Variants in UBAP1 observed in about 807,000 individuals in gnomAD.
The protein encoded by UBAP1 is ubiquitin associated protein 1.
UBAP1 carries 5 observed loss-of-function variants against 39.0 expected under a neutral mutation model. That is an observed-to-expected ratio of 0.13 (90% confidence interval 0.07 to 0.27). The LOEUF is 0.27. Ranked by LOEUF, UBAP1 falls within the 10% of genes least tolerant of loss-of-function variation. UBAP1 has a pLI of 1.00. For synonymous variants in UBAP1, 211 were observed against 225.1 expected (o/e 0.94, Z 0.56); for missense variants, 490 against 608.1 (o/e 0.81, Z 2.04).
chr9:34,198,973 A>G (rs1831212674), intron 1 of UBAP1, among the ~76,000 whole-genome samples: 1 of 152,174 alleles, frequency 6.6e-6, no homozygotes, highest in Non-Finnish European at 1.5e-5. Context: ...AATTTTCACA[A>G]AGGTGTTCTT....
At chr9:34,222,497 A>G (rs1464765497) in intron 2 of UBAP1, among the ~76,000 whole-genome samples, 1 of 152,150 alleles carries the variant, frequency 6.6e-6, no homozygotes, top group Non-Finnish European at 1.5e-5. Flanking sequence ...ATGATAGTAG[A>G]AAGGCAGATC....
At chr9:34,217,740 C>T (rs1042376962) in intron 1 of UBAP1, among the ~76,000 whole-genome samples, 1 of 143,270 alleles carries the variant, frequency 7.0e-6, no homozygotes, top group Non-Finnish European at 1.5e-5. Flanking sequence ...AACACAAAGT[C>T]CTGCAGATTC....
At position 34,241,165 on chromosome 9, in the gene UBAP1, C is replaced by T. The variant is rs776146046; in HGVS notation, c.160-20C>T. The T allele has an allele frequency of 7.1e-7, 1 of 1,417,684 alleles. No individual in the cohort carries two copies. The highest frequency in any genetic ancestry group is 2.1e-5 in the South Asian group (1 of 48,570). 87.8% of individuals were successfully genotyped at this position (1,417,684 alleles called of 1,614,324 possible). A position where few individuals can be genotyped will look rare whatever the true frequency, so the allele number is the denominator to read the frequency against. ...TGGCCACCTGGGTTCACACCCCCTT[C>T]CTCTGCTATATCTTTGCAGTATGAC... On this transcript the variant is annotated intron_variant, in intron 3 of 6. Transcript: ENST00000297661.
chr9:34,226,155 G>GTT (rs1833088878), intron 2 of UBAP1, among the ~76,000 whole-genome samples: 1 of 143,432 alleles, frequency 7.0e-6, no homozygotes, highest in South Asian at 2.2e-4. Flanking sequence ...GTGTGTGTGT[G>GTT]TGGTGGGCTG....
At chr9:34,195,679 C>A (rs559711567) in intron 1 of UBAP1, among the ~76,000 whole-genome samples, 1 of 151,716 alleles carries the variant, frequency 6.6e-6, no homozygotes, top group African/African-American at 2.4e-5. Context: ...CTCACCGCAA[C>A]CTCCGCCTCC....
At chr9:34,194,400 C>T (rs974206618) in intron 1 of UBAP1, among the ~76,000 whole-genome samples, 9 of 151,872 alleles carry the variant, frequency 5.9e-5, no homozygotes, top group East Asian at 3.9e-4. Context: ...CTGTAAACTC[C>T]GCCTCCCAGG....
intron 3 of UBAP1, among the ~76,000 whole-genome samples, chr9:34,237,046 C>G (rs10972013): frequency 6.6e-6 from 1 of 151,874 alleles, no homozygotes; most frequent in Non-Finnish European, 1.5e-5. Flanking sequence ...CCGTTCAAAT[C>G]TATTCTAGAT....
intron 1 of UBAP1, among the ~76,000 whole-genome samples, chr9:34,181,111 G>GTTTTGTT: frequency 2.8e-5 from 1 of 35,304 alleles, no homozygotes; most frequent in East Asian, 1.1e-3. Context: ...CACCCGGCCT[G>GTTTTGTT]TTTTCTTTTT....
intron 1 of UBAP1, chr9:34,211,888 C>T (rs1400995420): frequency 1.7e-5 from 4 of 228,932 alleles, no homozygotes; most frequent in East Asian, 1.3e-4. Flanking sequence ...TTTAAGTTAC[C>T]GGGTTTTCTT....
At chr9:34,194,370 A>G (rs908545985) in intron 1 of UBAP1, among the ~76,000 whole-genome samples, 5 of 150,498 alleles carry the variant, frequency 3.3e-5, no homozygotes, top group African/African-American at 9.8e-5. Context: ...GCTGGAGTGC[A>G]GTGGCACAAT....
intron 1 of UBAP1, among the ~76,000 whole-genome samples, chr9:34,199,303 G>A (rs539930962): frequency 1.1e-4 from 16 of 152,294 alleles, no homozygotes; most frequent in Non-Finnish European, 1.3e-4. Context: ...TCGAACCCCT[G>A]ACCTTGTGAT....
intron 1 of UBAP1, among the ~76,000 whole-genome samples, chr9:34,215,610 G>T (rs113482935): frequency 0.12 from 18,731 of 151,364 alleles, 1,523 homozygotes; most frequent in Non-Finnish European, 0.18. Flanking sequence ...TGGGTGCACC[G>T]AAATCTCACA....
intron 1 of UBAP1, among the ~76,000 whole-genome samples, chr9:34,185,096 G>A (rs1830325431): frequency 1.3e-5 from 2 of 151,836 alleles, no homozygotes; most frequent in Admixed American, 6.6e-5. Context: ...CACCACGCCT[G>A]CTAATTTTTG....
intron 1 of UBAP1, among the ~76,000 whole-genome samples, chr9:34,186,352 G>A (rs79151410): frequency 0.027 from 4,106 of 152,222 alleles, 188 homozygotes; most frequent in African/African-American, 0.094. Flanking sequence ...GTATTTGGCA[G>A]TAATCCTCAT....
chr9:34,251,464 T>C lies in UBAP1; in HGVS notation c.1441T>C (p.Leu481=), dbSNP rs1299954845. 6.2e-7 allele frequency: 1 copy of C among 1,614,062 alleles called. No individual in the cohort carries two copies. Among genetic ancestry groups the C allele is most frequent in the Non-Finnish European group, 8.5e-7 (1 of 1,180,040 alleles). The stretch of plus-strand genomic sequence containing the variant: ...TGAGCTGAAAGACATTAAGGAAGTT[T>C]TGCTATTACACAACAATGACCAGGA... ...GFELKDIKEV[L]LLHNNDQDNA... The change falls in exon 7 of 7, where the codon TTG becomes CTG. Residue 481 remains leucine, a synonymous_variant. Transcript: ENST00000297661.
At chr9:34,246,915 G>C (rs1563923099) in intron 4 of UBAP1, among the ~76,000 whole-genome samples, 1 of 152,152 alleles carries the variant, frequency 6.6e-6, no homozygotes, top group Non-Finnish European at 1.5e-5. Context: ...GTTTCTACTT[G>C]GTTACAAATA....
intron 4 of UBAP1, among the ~76,000 whole-genome samples, chr9:34,248,752 T>G (rs1052969254): frequency 6.6e-6 from 1 of 152,184 alleles, no homozygotes; most frequent in South Asian, 2.1e-4. Flanking sequence ...TGGTTACATC[T>G]GTATAATTTC....
Position 34,251,260 on chromosome 9 carries a change from C to T in UBAP1, c.1369-132C>T, listed in dbSNP as rs552164823. The T allele has an allele frequency of 6.1e-6, 6 of 983,442 alleles. No homozygotes were observed. The African/African-American group carries it at 6.5e-5, about 11-fold the overall frequency. The allele number at this position is 983,442 out of a possible 1,614,324, so 60.9% of individuals were successfully genotyped here. ...TGCTTGCTAGGGGACCTTATGGAGA[C>T]TCACGGGGCTCTGGGGGAAGGATGT... is the stretch of plus-strand genomic sequence containing the variant. On this transcript the variant is annotated intron_variant, in intron 6 of 6. Transcript: ENST00000297661.
intron 2 of UBAP1, among the ~76,000 whole-genome samples, chr9:34,226,521 G>A (rs1362569055): frequency 1.3e-5 from 2 of 152,142 alleles, no homozygotes. Flanking sequence ...ACAGGCATGA[G>A]CCACCGCGCC....
Sources: gnomAD v4.1 joint callset for allele counts (sites outside exome capture counted in the v4.1 genomes callset) on GRCh38, gnomAD v4.1.1 for gene constraint, MANE v1.5 for transcripts, NCBI Gene and HGNC (gene_info 2026-07-23, HGNC 2026-07-21) for gene names.